Variants in LAMA4 observed in about 807,000 individuals in gnomAD.
LAMA4 encodes the protein laminin subunit alpha-4.
A neutral mutation model predicts 207.1 loss-of-function variants in LAMA4; 127 were observed. The ratio of observed to expected loss-of-function variants is 0.61; its 90% CI spans 0.53 to 0.71. LAMA4 has a LOEUF of 0.71. LAMA4 is among the 30% of genes least tolerant of loss of function. The probability of loss-of-function intolerance (pLI) is 0.00; values close to 1 mark genes in which losing one functional copy is unlikely to be tolerated. For synonymous variants in LAMA4, 761 were observed against 816.0 expected (o/e 0.93, Z 1.15); for missense variants, 2,093 against 2,246.5 (o/e 0.93, Z 1.38).
rs782651225 is a variant in LAMA4, at chr6:112,117,920, TA to T, written c.4822-23del. On this transcript the variant is annotated intron_variant, in intron 34 of 38. Transcript: ENST00000230538. This position sits in a 1 kb window ranked among gnomAD's most constrained non-coding sequence, Gnocchi z 4.5. ...TAATCTGAGGGAAGAAGATATTTCTTAAAATCAATTTTCTCAACACAAATGC... is the reference window on the plus strand; with the variant it reads ...TAATCTGAGGGAAGAAGATATTTCTTAAATCAATTTTCTCAACACAAATGC... The T allele has an allele frequency of 2.5e-6, 4 of 1,609,996 alleles. No homozygotes were observed. The African/African-American group carries it at 5.3e-5, about 21-fold the overall frequency.
At chr6:112,208,964 C>G (rs889267219) in intron 3 of LAMA4, among the ~76,000 whole-genome samples, 4 of 152,040 alleles carry the variant, frequency 2.6e-5, no homozygotes, top group Non-Finnish European at 4.4e-5. Flanking sequence ...AATACTGTGT[C>G]TTGTGCTAAG....
At chr6:112,249,172 C>T (rs562444194) in intron 2 of LAMA4, among the ~76,000 whole-genome samples, 3 of 152,096 alleles carry the variant, frequency 2.0e-5, no homozygotes, top group African/African-American at 4.8e-5. Context: ...CAGCAGGGTG[C>T]GGTGGCTCAC....
At position 112,221,416 on chromosome 6, in the gene LAMA4, A is replaced by C. The variant is rs187087770; in HGVS notation, c.196-4947T>G. On this transcript the variant is annotated intron_variant, in intron 2 of 38. Transcript: ENST00000230538. ...GATTCAACAACTTTTGCTTCAGTTT[A>C]TTGAGGCTCCAAATAGAAAGGATAA... Among the ~76,000 whole-genome samples, 18 of 152,290 alleles carry C rather than the reference A, an allele frequency of 1.2e-4. No homozygotes were observed. In the East Asian group the frequency reaches 3.5e-3, roughly 29 times the overall value.
intron 12 of LAMA4, among the ~76,000 whole-genome samples, chr6:112,169,003 G>A (rs892513000): frequency 6.6e-6 from 1 of 152,198 alleles, no homozygotes; most frequent in African/African-American, 2.4e-5. Context: ...AAGAGGCAGA[G>A]TTTGTAGGAA....
intron 5 of LAMA4, among the ~76,000 whole-genome samples, chr6:112,194,065 T>C (rs868917335): frequency 2.5e-4 from 38 of 152,240 alleles, no homozygotes; most frequent in African/African-American, 7.2e-4. Flanking sequence ...ATGAGTGTTG[T>C]TATTCGCACT....
chr6:112,185,218 T>C lies in LAMA4; in HGVS notation c.1077+19A>G. 1 of 1,487,434 alleles carries C rather than the reference T, an allele frequency of 6.7e-7. No individual in the cohort carries two copies. The highest frequency in any genetic ancestry group is 1.4e-5 in the African/African-American group (1 of 72,330). 92.1% of individuals were successfully genotyped at this position (1,487,434 alleles called of 1,614,324 possible). On this transcript the variant is annotated intron_variant, in intron 9 of 38. Coordinates refer to ENST00000230538, the MANE Select transcript of LAMA4 (RefSeq NM_001105206.3). Reference sequence around the variant, plus strand: ...TTTCTTTGAAGGCTGTCCCAGAAACTGAATACATACATACGTACCTTTTCA... The same window carrying C: ...TTTCTTTGAAGGCTGTCCCAGAAACCGAATACATACATACGTACCTTTTCA...
intron 13 of LAMA4, among the ~76,000 whole-genome samples, chr6:112,161,857 T>A (rs1316316333): frequency 1.3e-5 from 2 of 151,898 alleles, no homozygotes; most frequent in Non-Finnish European, 2.9e-5. Context: ...GAGAGGAGTT[T>A]GTTGGGCTGG....
chr6:112,120,343 A>G lies in LAMA4; in HGVS notation c.4605T>C (p.Val1535=), dbSNP rs933607067. The G allele has an allele frequency of 6.2e-7, 1 of 1,613,984 alleles. No individual in the cohort carries two copies. Among genetic ancestry groups the G allele is most frequent in the South Asian group, 1.1e-5 (1 of 91,056 alleles). Residue 1535 remains valine, a synonymous_variant, in exon 33 of 39, where the codon GTT becomes GTC. Transcript: ENST00000230538. ...TTCTAATCTTCAGTTTTTTGTGACC[A>G]ACATTAAACATGTAAACCAAGCGGC... The part of the protein sequence containing the change: ...AHGRLVYMFN[V]GHKKLKIRSQ...
chr6:112,115,852 T>G lies in LAMA4; in HGVS notation c.5112+11A>C, dbSNP rs782220223. On this transcript the variant is annotated intron_variant, in intron 36 of 38. Coordinates refer to ENST00000230538, the MANE Select transcript of LAMA4 (RefSeq NM_001105206.3). The stretch of plus-strand genomic sequence containing the variant: ...GATGAGACAAATTGTTAAACATTTT[T>G]CAGACACTACCTGTCCATTTTTCAT... 4.3e-6 allele frequency: 7 copies of G among 1,612,396 alleles called. No individual in the cohort carries two copies. Among genetic ancestry groups the G allele is most frequent in the Middle Eastern group, 3.3e-4 (2 of 6,074 alleles).
At chr6:112,142,368 G>T (rs574700573) in intron 19 of LAMA4, 76 bp from the exon 20 acceptor site, 2 of 1,330,918 alleles carry the variant, frequency 1.5e-6, no homozygotes, top group East Asian at 4.6e-5. Flanking sequence ...TCCCTCATTC[G>T]TGACAGGGGC....
At chr6:112,168,265 G>A (rs1323018255) in intron 12 of LAMA4, among the ~76,000 whole-genome samples, 1 of 150,746 alleles carries the variant, frequency 6.6e-6, no homozygotes, top group African/African-American at 2.4e-5. Flanking sequence ...GTGTGATGAA[G>A]CCTGGTGATC....
intron 5 of LAMA4, among the ~76,000 whole-genome samples, chr6:112,194,856 A>T (rs1783320494): frequency 6.6e-6 from 1 of 152,146 alleles, no homozygotes; most frequent in African/African-American, 2.4e-5. Flanking sequence ...TTTCTTCCGT[A>T]ATCTCATTTC....
At chr6:112,116,832 T>G (rs1778047082) in intron 35 of LAMA4, among the ~76,000 whole-genome samples, 1 of 152,230 alleles carries the variant, frequency 6.6e-6, no homozygotes, top group African/African-American at 2.4e-5. Flanking sequence ...TAAGAGTTCT[T>G]ATCACTGAAA....
At chr6:112,216,549 A>T (rs1431523064) in intron 2 of LAMA4, 80 bp from the exon 3 acceptor site, 14 of 907,982 alleles carry the variant, frequency 1.5e-5, no homozygotes, top group Non-Finnish European at 2.0e-5. Flanking sequence ...AATCAGAGAA[A>T]GTGATTATTA....
intron 2 of LAMA4, among the ~76,000 whole-genome samples, chr6:112,230,910 T>G (rs962086678): frequency 6.6e-5 from 10 of 152,234 alleles, no homozygotes; most frequent in Non-Finnish European, 1.2e-4. Context: ...AACTGAGGCC[T>G]AGCGAAGAAG....
intron 2 of LAMA4, among the ~76,000 whole-genome samples, chr6:112,239,153 T>G (rs1786171439): frequency 2.6e-5 from 4 of 151,940 alleles, no homozygotes; most frequent in African/African-American, 9.7e-5. Context: ...AAACCCTGTT[T>G]CTATGAAAAA....
chr6:112,150,201 AG>A (rs2114750483), intron 17 of LAMA4, among the ~76,000 whole-genome samples: 2 of 107,054 alleles, frequency 1.9e-5, no homozygotes, highest in Admixed American at 1.9e-4. Context: ...TCCCATTAAA[AG>A]ACACACACAC....
At chr6:112,140,505 T>A (rs1490451257) in intron 22 of LAMA4, among the ~76,000 whole-genome samples, 3 of 152,190 alleles carry the variant, frequency 2.0e-5, no homozygotes, top group African/African-American at 7.2e-5. Flanking sequence ...ATTAATTACA[T>A]ATGCATGTAT....
chr6:112,117,928 A>G lies in LAMA4; in HGVS notation c.4822-30T>C, dbSNP rs1778122857. 6.2e-7 allele frequency: 1 copy of G among 1,605,464 alleles called. No homozygotes were observed. The highest frequency in any genetic ancestry group is 8.5e-7 in the Non-Finnish European group (1 of 1,173,188). ...GGGAAGAAGATATTTCTTAAAATCA[A>G]TTTTCTCAACACAAATGCACCAAGG... On this transcript the variant is annotated intron_variant, in intron 34 of 38. Coordinates refer to ENST00000230538, the MANE Select transcript of LAMA4 (RefSeq NM_001105206.3). This position sits in a 1 kb window ranked among gnomAD's most constrained non-coding sequence, Gnocchi z 4.5.
Sources: gnomAD v4.1 joint callset for allele counts (sites outside exome capture counted in the v4.1 genomes callset) on GRCh38, gnomAD v4.1.1 for gene constraint, Gnocchi (gnomAD v3.1) non-coding constraint, MANE v1.5 for transcripts, NCBI Gene and HGNC (gene_info 2026-07-23, HGNC 2026-07-21) for gene names.